The following BRCC3 variants were observed in gnomAD, a reference collection of about 807,000 sequenced individuals.
BRCC3 encodes lys-63-specific deubiquitinase BRCC36.
Under a neutral mutation model 28.0 loss-of-function variants are expected in BRCC3, and 15 were observed. That is an observed-to-expected ratio of 0.54 (90% CI 0.36 to 0.82). The LOEUF (loss-of-function observed/expected upper bound fraction) is 0.82. Among genes scored for constraint, BRCC3 ranks in the 40% least tolerant of loss-of-function variants. The probability of loss-of-function intolerance (pLI) is 0.01; values close to 1 mark genes in which losing one functional copy is unlikely to be tolerated. For missense variants in BRCC3, 109 were observed against 225.9 expected, an observed-to-expected ratio of 0.48 and a Z score of 3.32; for synonymous variants, 66 against 80.3, an observed-to-expected ratio of 0.82 and a Z score of 0.95.
chrX:155,094,952 C>T (rs1371745513), intron 7 of BRCC3, among the ~76,000 whole-genome samples: 1 of 112,144 alleles, frequency 8.9e-6, no homozygotes, highest in Non-Finnish European at 1.9e-5. Context: ...GAGCTGACAC[C>T]CATGTAGGAA....
chrX:155,112,048 T>C (rs181976411), intron 7 of BRCC3, among the ~76,000 whole-genome samples: 8 of 111,927 alleles, frequency 7.1e-5, no homozygotes, highest in Non-Finnish European at 1.5e-4. Context: ...TAACAATATA[T>C]TGTTCACAAT....
intron 5 of BRCC3, among the ~76,000 whole-genome samples, chrX:155,079,296 A>G (rs1340833507): frequency 1.8e-5 from 2 of 111,701 alleles, no homozygotes; most frequent in Non-Finnish European, 3.8e-5. Context: ...TCTTACCCCC[A>G]TTGTACAGAA....
chrX:155,098,594 T>A (rs2074226181), intron 7 of BRCC3, among the ~76,000 whole-genome samples: 1 of 112,409 alleles, frequency 8.9e-6, no homozygotes, highest in Admixed American at 9.4e-5. Context: ...TTTATTTACA[T>A]ATTGTCTATG....
chrX:155,073,354 T>C lies in BRCC3; in HGVS notation c.141-23T>C, dbSNP rs782188634. 1.3e-5 allele frequency: 15 copies of C among 1,154,108 alleles called. No individual in the cohort carries two copies. The East Asian group carries it at 4.2e-4, about 33-fold the overall frequency. On this transcript the variant is annotated intron_variant, in intron 2 of 10. Transcript: ENST00000330045. Reference sequence around the variant, plus strand: ...TATTCCAAACCCCACTTCCTTTTTTTTTTTCTAATTTATTCCCAGTAGGAG... The same window carrying C: ...TATTCCAAACCCCACTTCCTTTTTTCTTTTCTAATTTATTCCCAGTAGGAG...
At chrX:155,089,191 C>A in intron 5 of BRCC3, 72 bp from the exon 6 acceptor site, 2 of 711,973 alleles carry the variant, frequency 2.8e-6, no homozygotes, top group South Asian at 2.6e-5. Context: ...ATCTTTAAGT[C>A]AATCTTTAAA....
chrX:155,091,601 T>A (rs1254978941), intron 7 of BRCC3, among the ~76,000 whole-genome samples: 4 of 111,801 alleles, frequency 3.6e-5, no homozygotes, highest in Non-Finnish European at 7.5e-5. Context: ...GTACCTACTA[T>A]ATGCCATGTT....
At chrX:155,098,077 T>C (rs1557296483) in intron 7 of BRCC3, among the ~76,000 whole-genome samples, 1 of 112,806 alleles carries the variant, frequency 8.9e-6, no homozygotes, top group East Asian at 2.8e-4. Flanking sequence ...TTAAAAATTC[T>C]GCATTTCTCT....
chrX:155,108,511 G>A (rs1446364596), intron 7 of BRCC3, among the ~76,000 whole-genome samples: 8 of 112,320 alleles, frequency 7.1e-5, no homozygotes, highest in African/African-American at 2.6e-4. Flanking sequence ...CTTGCCAACA[G>A]TGTATGAAGG....
intron 7 of BRCC3, among the ~76,000 whole-genome samples, chrX:155,100,765 C>T (rs782612328): frequency 3.6e-5 from 4 of 112,085 alleles, no homozygotes; most frequent in Non-Finnish European, 7.5e-5. Context: ...AGTTGGCCCT[C>T]CACATTCATG....
At chrX:155,078,784 A>G (rs1557293907) in intron 5 of BRCC3, 81 bp downstream of exon 5, 1 of 645,877 alleles carries the variant, frequency 1.5e-6, no homozygotes, top group Non-Finnish European at 2.3e-6. Flanking sequence ...GGGTATGGTT[A>G]TTTTAAACCA....
At chrX:155,098,458 C>T in intron 7 of BRCC3, among the ~76,000 whole-genome samples, 1 of 112,421 alleles carries the variant, frequency 8.9e-6, no homozygotes. Context: ...TGGTATCAGC[C>T]TTACGGATTT....
intron 5 of BRCC3, among the ~76,000 whole-genome samples, chrX:155,087,253 G>A (rs1339222032): frequency 9.0e-6 from 1 of 111,704 alleles, no homozygotes. Flanking sequence ...AAGCTTCGCC[G>A]GCGAGAAGAA....
At chrX:155,087,126 G>A (rs782255378) in intron 5 of BRCC3, among the ~76,000 whole-genome samples, 4 of 112,169 alleles carry the variant, frequency 3.6e-5, no homozygotes, top group Middle Eastern at 4.6e-3. Context: ...ACAGCTCCTC[G>A]CGGGCAGCGG....
At chrX:155,098,045 C>A (rs782545200) in intron 7 of BRCC3, among the ~76,000 whole-genome samples, 12 of 112,426 alleles carry the variant, frequency 1.1e-4, no homozygotes, top group Non-Finnish European at 1.5e-4. Flanking sequence ...GCATTATTTA[C>A]AACTCAGTTT....
intron 10 of BRCC3, 129 bp from the exon 11 acceptor site, chrX:155,121,094 G>T (rs1286195159): frequency 3.6e-5 from 4 of 111,711 alleles, no homozygotes; most frequent in African/African-American, 1.3e-4. Flanking sequence ...TATCTCTGGG[G>T]ATAAAATCTG....
chrX:155,089,728 A>C (rs2074162709), intron 6 of BRCC3, among the ~76,000 whole-genome samples: 1 of 111,787 alleles, frequency 8.9e-6, no homozygotes, highest in African/African-American at 3.3e-5. Context: ...GAAGTGTCCC[A>C]GTTTGAATGA....
rs1267285715 is a variant in BRCC3 at position 155,097,760 on chromosome X, T to C, written c.548+6921T>C. On this transcript the variant is annotated intron_variant, in intron 7 of 10. Coordinates refer to ENST00000330045, the MANE Select transcript of BRCC3 (RefSeq NM_001018055.3). ...CCATATGATTCAGCAGTTCCACTTTTTGGTATATACCCAAATGAATTGAAA... is the reference window on the plus strand; with the variant it reads ...CCATATGATTCAGCAGTTCCACTTTCTGGTATATACCCAAATGAATTGAAA... Among the ~76,000 whole-genome samples the C allele has an allele frequency of 5.3e-5, 6 of 112,391 alleles. No homozygotes were observed. The Admixed American group carries it at 5.6e-4, about 11-fold the overall frequency.
chrX:155,071,679 C>A, intron 1 of BRCC3, 29 bp downstream of exon 1: 1 of 1,192,600 alleles, frequency 8.4e-7, no homozygotes, highest in Non-Finnish European at 1.1e-6. Context: ...CTGGATGGAA[C>A]CCTGCTGAGC....
At chrX:155,075,217 A>AGAAG (rs2074021980) in intron 3 of BRCC3, among the ~76,000 whole-genome samples, 1 of 60,109 alleles carries the variant, frequency 1.7e-5, no homozygotes, top group Admixed American at 1.7e-4. Context: ...GAAAATCTAT[A>AGAAG]GCTTGTTTCA....
Sources: allele counts gnomAD v4.1 joint callset (sites outside exome capture counted in the v4.1 genomes callset), GRCh38; gene constraint gnomAD v4.1.1; transcripts MANE v1.5; gene names NCBI Gene and HGNC (gene_info 2026-07-23, HGNC 2026-07-21).